The following ERICH6B variants were observed in gnomAD, a reference collection of about 807,000 sequenced individuals.
The protein encoded by ERICH6B is glutamate-rich protein 6B.
Under a neutral mutation model 80.0 loss-of-function variants are expected in ERICH6B, and 69 were observed. The observed-to-expected ratio is 0.86, with a 90% CI of 0.71 to 1.05. The LOEUF (loss-of-function observed/expected upper bound fraction) is 1.05. ERICH6B is among the 50% of genes least tolerant of loss of function. The pLI, the probability that ERICH6B is intolerant of heterozygous loss-of-function variation, is 0.00. For missense variants in ERICH6B, 754 were observed against 796.1 expected (o/e 0.95, Z 0.64); for synonymous variants, 283 against 291.9 (o/e 0.97, Z 0.31).
At chr13:45,575,363 C>T (rs1433314265) in intron 7 of ERICH6B, among the ~76,000 whole-genome samples, 1 of 152,144 alleles carries the variant, frequency 6.6e-6, no homozygotes. Flanking sequence ...CAGGGGGAAC[C>T]CTATGGTATG....
At chr13:45,587,270 A>G (rs1029633523) in intron 4 of ERICH6B, 38 bp from the exon 5 acceptor site, 3 of 1,545,276 alleles carry the variant, frequency 1.9e-6, no homozygotes, top group East Asian at 2.4e-5. Flanking sequence ...ACTTCCAGAC[A>G]GGGGCCAGGT....
At chr13:45,550,793 CTA>C (rs1468195937) in intron 11 of ERICH6B, among the ~76,000 whole-genome samples, 2 of 152,150 alleles carry the variant, frequency 1.3e-5, no homozygotes, top group Non-Finnish European at 2.9e-5. Context: ...GTCTCTACCT[CTA>C]TCTTCATGTG....
At chr13:45,586,606 C>T (rs959055020) in intron 5 of ERICH6B, among the ~76,000 whole-genome samples, 3 of 152,066 alleles carry the variant, frequency 2.0e-5, no homozygotes, top group Non-Finnish European at 4.4e-5. Flanking sequence ...GCTTTGACCC[C>T]CACTGAGACT....
rs116154043 is a variant in ERICH6B, at chr13:45,544,472, T to A, written c.1872+288A>T. Among the ~76,000 whole-genome samples the A allele has an allele frequency of 2.2e-3, 328 of 152,328 alleles. 3 individuals carry two copies. Among genetic ancestry groups the A allele is most frequent in the African/African-American group, 7.6e-3 (317 of 41,564 alleles). ...CCTAGGCTCAAGGGATCCACCTGTC[T>A]TGGCCTCCCAAAGCCCTGGGGTTAC... On this transcript the variant is annotated intron_variant, in intron 14 of 14. Coordinates refer to ENST00000298738, the MANE Select transcript of ERICH6B (RefSeq NM_182542.3).
Position 45,574,825 on chromosome 13 carries a change from GTTTTTATCCAA to G in ERICH6B, c.1050+6_1050+16del, listed in dbSNP as rs1283766744. The G allele has an allele frequency of 2.6e-6, 4 of 1,521,826 alleles. No individual in the cohort carries two copies. The highest frequency in any genetic ancestry group is 2.0e-5 in the Admixed American group (1 of 50,866). The allele number at this position is 1,521,826 out of a possible 1,614,324, so 94.3% of individuals were successfully genotyped here. ...GAGGAAGCTGGGGGGGGGGTCTCAA[GTTTTTATCCAA>G]CTTACGTTTTCATCTAAATCTTCCA... On this transcript the variant is annotated splice_donor_region_variant and intron_variant, in intron 8 of 14. Transcript: ENST00000298738.
intron 11 of ERICH6B, chr13:45,553,045 T>C (rs1006601901): frequency 2.6e-5 from 7 of 272,454 alleles, no homozygotes; most frequent in African/African-American, 1.6e-4. Context: ...TTTAACTCAG[T>C]AGAAAAAAGC....
At chr13:45,544,462 T>A (rs1873911202) in intron 14 of ERICH6B, among the ~76,000 whole-genome samples, 1 of 152,176 alleles carries the variant, frequency 6.6e-6, no homozygotes, top group Non-Finnish European at 1.5e-5. Flanking sequence ...GCTCAAGGGA[T>A]CCACCTGTCT....
chr13:45,594,919 C>T (rs1876300955), intron 3 of ERICH6B, among the ~76,000 whole-genome samples: 1 of 152,210 alleles, frequency 6.6e-6, no homozygotes, highest in African/African-American at 2.4e-5. Flanking sequence ...CAAGAGAAGA[C>T]ACTGCAGGGG....
intron 3 of ERICH6B, among the ~76,000 whole-genome samples, chr13:45,595,240 G>C (rs1418607590): frequency 6.6e-6 from 1 of 152,058 alleles, no homozygotes; most frequent in African/African-American, 2.4e-5. Flanking sequence ...TTTTTAAAAA[G>C]TAACAAAAAA....
intron 8 of ERICH6B, among the ~76,000 whole-genome samples, chr13:45,570,181 T>C (rs1380476912): frequency 6.6e-6 from 1 of 152,068 alleles, no homozygotes; most frequent in African/African-American, 2.4e-5. Flanking sequence ...TCATGGTAGG[T>C]GTATTGGGGA....
chr13:45,602,619 C>G (rs1949833714), intron 2 of ERICH6B, among the ~76,000 whole-genome samples: 2 of 152,190 alleles, frequency 1.3e-5, no homozygotes, highest in Admixed American at 1.3e-4. Context: ...GGCATCTCTG[C>G]TGGGATGTCT....
At chr13:45,584,701 G>A (rs1323631057) in intron 5 of ERICH6B, among the ~76,000 whole-genome samples, 2 of 152,198 alleles carry the variant, frequency 1.3e-5, no homozygotes, top group Non-Finnish European at 2.9e-5. Flanking sequence ...GAGCAGCAGT[G>A]CCCATGCCTG....
chr13:45,597,774 C>T (rs772764087), intron 2 of ERICH6B, among the ~76,000 whole-genome samples: 7 of 152,134 alleles, frequency 4.6e-5, no homozygotes, highest in African/African-American at 1.7e-4. Context: ...AAATTGTTTG[C>T]ACGTTTGTTC....
rs920269583 is a variant in ERICH6B, at chr13:45,596,454, C to T, written c.552G>A (p.Lys184=). 1 of 1,551,688 alleles carries T rather than the reference C, an allele frequency of 6.4e-7. No individual in the cohort carries two copies. The highest frequency in any genetic ancestry group is 8.7e-7 in the Non-Finnish European group (1 of 1,146,630). The stretch of plus-strand genomic sequence containing the variant: ...CTTCTTCCTCCTCCAGATTCTCTTC[C>T]TTCTCCAGAGCCTTTTCCTCTTCTA... ...SYLEEEKALE[K]EENLEEEEAL... The change falls in exon 3 of 15, where the codon AAG becomes AAA. Residue 184 remains lysine, a synonymous_variant. Coordinates refer to ENST00000298738, the MANE Select transcript of ERICH6B (RefSeq NM_182542.3).
chr13:45,541,852 A>G (rs545693337), intron 14 of ERICH6B, among the ~76,000 whole-genome samples, 172 bp from the exon 15 acceptor site: 3 of 152,248 alleles, frequency 2.0e-5, no homozygotes, highest in African/African-American at 7.2e-5. Flanking sequence ...GCTTCCAAAT[A>G]CGCTCACTTG....
intron 11 of ERICH6B, among the ~76,000 whole-genome samples, chr13:45,554,188 C>T (rs1291947774): frequency 6.6e-6 from 1 of 152,200 alleles, no homozygotes; most frequent in Non-Finnish European, 1.5e-5. Flanking sequence ...GGTGTTTTTA[C>T]GTTCCACACA....
chr13:45,582,246 C>T (rs1354832269), intron 5 of ERICH6B, among the ~76,000 whole-genome samples: 2 of 152,184 alleles, frequency 1.3e-5, no homozygotes, highest in African/African-American at 2.4e-5. Flanking sequence ...CGCGCCATTC[C>T]AGGGATGGCA....
intron 10 of ERICH6B, 79 bp downstream of exon 10, chr13:45,563,648 G>C (rs139509033): frequency 2.4e-6 from 3 of 1,274,332 alleles, no homozygotes; most frequent in African/African-American, 3.0e-5. Flanking sequence ...CTTCTTTACA[G>C]TACATGCAGA....
In ERICH6B at chr13:45,587,143, G is replaced by A. The variant is rs1475335777; in HGVS notation, c.776C>T (p.Thr259Ile). 2.8e-5 allele frequency: 43 copies of A among 1,551,610 alleles called. No individual in the cohort carries two copies. Among genetic ancestry groups the A allele is most frequent in the Non-Finnish European group, 3.3e-5 (38 of 1,147,004 alleles). Reference sequence around the variant, plus strand: ...TGTCAGAAGCAACTCAGAAGACTCTGTGGCAGATTCAGAGACAGGAGAAGG... The same window carrying A: ...TGTCAGAAGCAACTCAGAAGACTCTATGGCAGATTCAGAGACAGGAGAAGG... ...ATPSPVSESA[T>I]ESSELLLTLY... The change falls in exon 5 of 15, where the codon ACA becomes ATA. Residue 259 changes from threonine to isoleucine, a missense_variant. Physicochemically the swap from Thr to Ile is moderately conservative, Grantham distance 89. Coordinates refer to ENST00000298738, the MANE Select transcript of ERICH6B (RefSeq NM_182542.3).
Sources: gnomAD v4.1 joint callset for allele counts (sites outside exome capture counted in the v4.1 genomes callset) on GRCh38, gnomAD v4.1.1 for gene constraint, MANE v1.5 for transcripts, NCBI Gene and HGNC (gene_info 2026-07-23, HGNC 2026-07-21) for gene names.